The following LMO2 variants were observed in gnomAD, a reference collection of about 807,000 sequenced individuals.
LMO2 encodes LIM domain only 2.
In LMO2, 20 loss-of-function variants were observed where a neutral mutation model predicts 23.2. That is an observed-to-expected ratio of 0.86 (90% CI 0.61 to 1.25). The LOEUF is 1.25. LMO2 is among the 50% of genes most tolerant of loss of function. The probability of loss-of-function intolerance (pLI) is 0.00; values close to 1 mark genes in which losing one functional copy is unlikely to be tolerated. For missense variants in LMO2, 270 were observed against 315.3 expected, an observed-to-expected ratio of 0.86 and a Z score of 1.09; for synonymous variants, 123 against 130.2, an observed-to-expected ratio of 0.94 and a Z score of 0.38.
intron 4 of LMO2, 66 bp downstream of exon 4, chr11:33,869,280 C>T: frequency 9.0e-7 from 1 of 1,110,066 alleles, no homozygotes; most frequent in Non-Finnish European, 1.1e-6. Flanking sequence ...GCCCGGGTCC[C>T]CCCGACGCTC....
rs569023791 is a variant in LMO2 at position 33,866,607 on chromosome 11, C to T, written c.249-1790G>A. 6.0e-4 allele frequency among the ~76,000 whole-genome samples: 91 copies of T among 152,326 alleles called. 1 individual carries two copies. Among genetic ancestry groups the T allele is most frequent in the African/African-American group, 2.1e-3 (87 of 41,568 alleles). On this transcript the variant is annotated intron_variant, in intron 4 of 5. Coordinates refer to ENST00000257818, the MANE Select transcript of LMO2 (RefSeq NM_005574.4). ...GCACTGCACTCTAGACTAGACAACA[C>T]AGTGAGACCCTAGCTCAAAAAAATT...
chr11:33,861,870 A>C (rs1480723543), intron 5 of LMO2, among the ~76,000 whole-genome samples: 2 of 152,204 alleles, frequency 1.3e-5, no homozygotes, highest in Non-Finnish European at 2.9e-5. Context: ...TGACCTGAGC[A>C]AATGGAGTCC....
At chr11:33,870,986 T>A (rs1857005207) in intron 2 of LMO2, 1 of 822,498 alleles carries the variant, frequency 1.2e-6, no homozygotes, top group Admixed American at 6.2e-5. Context: ...GTTCAGAAGC[T>A]GAAAGGCCTA....
Position 33,869,750 on chromosome 11 carries a change from T to A in LMO2, c.-34A>T. On this transcript the variant is annotated 5_prime_UTR_variant, in exon 3 of 6. Coordinates refer to ENST00000257818, the MANE Select transcript of LMO2 (RefSeq NM_005574.4). ...CGCCGCCGCCACCGCCCGGTCCCTCTCGCGCGCTGTCGCCGGCTCCGCGCC... is the reference window on the plus strand; with the variant it reads ...CGCCGCCGCCACCGCCCGGTCCCTCACGCGCGCTGTCGCCGGCTCCGCGCC... The A allele has an allele frequency of 8.1e-7, 1 of 1,236,124 alleles. No individual in the cohort carries two copies. The allele number at this position is 1,236,124 out of a possible 1,614,324, so 76.6% of individuals were successfully genotyped here. A position where few individuals can be genotyped will look rare whatever the true frequency, so the allele number is the denominator to read the frequency against.
At chr11:33,870,292 C>T (rs1446779035) in intron 2 of LMO2, 1 of 921,930 alleles carries the variant, frequency 1.1e-6, no homozygotes, top group Non-Finnish European at 1.3e-6. Flanking sequence ...GAAAGTAACC[C>T]ACGAACAGCT....
intron 4 of LMO2, among the ~76,000 whole-genome samples, chr11:33,868,945 T>C (rs746469162): frequency 3.3e-5 from 5 of 152,086 alleles, no homozygotes; most frequent in Admixed American, 6.5e-5. Flanking sequence ...CAAGACCAAA[T>C]GGACAAAGAG....
At position 33,869,388 on chromosome 11, in the gene LMO2, G is replaced by A. The variant is rs528808025; in HGVS notation, c.206C>T (p.Pro69Leu). 6.3e-5 allele frequency: 76 copies of A among 1,213,002 alleles called. No homozygotes were observed. In the African/African-American group the frequency reaches 9.0e-4, roughly 14 times the overall value. The allele number at this position is 1,213,002 out of a possible 1,614,324, so 75.1% of individuals were successfully genotyped here. ...CTTCCTTTCGATGGCCGAGGACATT[G>A]GGGAGGGAGGCGGGGTGCCGGGCGG... ...PPPPGTPPPS[P>L]MSSAIERKSL... Residue 69 changes from proline to leucine, a missense_variant, in exon 4 of 6, where the codon CCA becomes CTA. Pro to Leu is a moderately conservative substitution (Grantham distance 98, BLOSUM62 -3). Coordinates refer to ENST00000257818, the MANE Select transcript of LMO2 (RefSeq NM_005574.4).
intron 1 of LMO2, among the ~76,000 whole-genome samples, chr11:33,889,013 C>T (rs1211127255): frequency 1.3e-5 from 2 of 152,170 alleles, no homozygotes; most frequent in Non-Finnish European, 2.9e-5. Flanking sequence ...GTCCTATTTC[C>T]GTTAGGGTAG....
intron 5 of LMO2, among the ~76,000 whole-genome samples, chr11:33,862,430 A>C (rs1022345919): frequency 1.3e-5 from 2 of 152,228 alleles, no homozygotes; most frequent in African/African-American, 2.4e-5. Context: ...AAGGGATCCA[A>C]GGAGATCTGG....
chr11:33,869,415 G>A lies in LMO2; in HGVS notation c.179C>T (p.Pro60Leu). The A allele has an allele frequency of 1.7e-6, 2 of 1,199,996 alleles. No individual in the cohort carries two copies. The highest frequency in any genetic ancestry group is 2.1e-6 in the Non-Finnish European group (2 of 961,802). The allele number at this position is 1,199,996 out of a possible 1,614,324, so 74.3% of individuals were successfully genotyped here. A position where few individuals can be genotyped will look rare whatever the true frequency, so the allele number is the denominator to read the frequency against. The change falls in exon 4 of 6, where the codon CCG becomes CTG. Residue 60 changes from proline to leucine, a missense_variant. Around this residue, in one of 2 missense-constraint regions of LMO2, gnomAD observed 170 missense variants for 162.0 expected, o/e 1.05. Transcript: ENST00000257818. Reference sequence around the variant, plus strand: ...GGAGGGAGGCGGGGTGCCGGGCGGCGGGGGCGCTCCCTTTGTGGCGCGGGG... The same window carrying A: ...GGAGGGAGGCGGGGTGCCGGGCGGCAGGGGCGCTCCCTTTGTGGCGCGGGG... ...GQPRATKGAP[P>L]PPGTPPPSPM...
At chr11:33,879,505 G>A (rs901485077) in intron 2 of LMO2, among the ~76,000 whole-genome samples, 3 of 151,500 alleles carry the variant, frequency 2.0e-5, no homozygotes, top group African/African-American at 7.3e-5. Context: ...GTGTGTGCCT[G>A]TAATCGCAGT....
At chr11:33,863,184 G>T (rs1856647204) in intron 5 of LMO2, among the ~76,000 whole-genome samples, 1 of 151,926 alleles carries the variant, frequency 6.6e-6, no homozygotes, top group Admixed American at 6.6e-5. Flanking sequence ...AACTGGGAGT[G>T]AGCAAAACCA....
In LMO2 at chr11:33,880,269, T is replaced by A. The variant is rs538254652; in HGVS notation, c.-272+1555A>T. ...ATACACATGATATATATATCATACA[T>A]ACACATGATATATATCATATATATC... On this transcript the variant is annotated intron_variant, in intron 2 of 5. Coordinates refer to ENST00000257818, the MANE Select transcript of LMO2 (RefSeq NM_005574.4). This position sits in a 1 kb window ranked among gnomAD's most constrained non-coding sequence, Gnocchi z 4.3. Among the ~76,000 whole-genome samples the A allele has an allele frequency of 1.4e-4, 21 of 147,784 alleles. No individual in the cohort carries two copies. Among genetic ancestry groups the A allele is most frequent in the Admixed American group, 1.4e-3 (21 of 14,842 alleles).
intron 2 of LMO2, among the ~76,000 whole-genome samples, chr11:33,872,034 C>A (rs913143522): frequency 6.6e-6 from 1 of 151,818 alleles, no homozygotes; most frequent in Admixed American, 6.6e-5. Flanking sequence ...GAGGCCGAGG[C>A]GATCCCAGCA....
At position 33,864,687 on chromosome 11, in the gene LMO2, C is replaced by T. The variant is rs369459140; in HGVS notation, c.379G>A (p.Asp127Asn). 1.9e-6 allele frequency: 3 copies of T among 1,614,062 alleles called. No homozygotes were observed. Among genetic ancestry groups the T allele is most frequent in the Non-Finnish European group, 2.5e-6 (3 of 1,180,040 alleles). The change falls in exon 5 of 6, where the codon GAC becomes AAC. Residue 127 changes from aspartate (D) to asparagine (N), a missense_variant. Physicochemically the swap from Asp to Asn is conservative, Grantham distance 23. Around this residue, in one of 2 missense-constraint regions of LMO2, gnomAD observed 100 missense variants for 153.3 expected, o/e 0.65. Transcript: ENST00000257818. This position sits in a 1 kb window ranked among gnomAD's most constrained non-coding sequence, Gnocchi z 4.8. ...TCACCCAGCCGGCAGCCACAGAGGTCGCAGCTCAGGCAGTCCTCGTGCCAG... is the reference window on the plus strand; with the variant it reads ...TCACCCAGCCGGCAGCCACAGAGGTTGCAGCTCAGGCAGTCCTCGTGCCAG... ...QYWHEDCLSCDLCGCRLGEVG... is the reference protein window; with the variant it reads ...QYWHEDCLSCNLCGCRLGEVG...
rs1164812496 is a variant in LMO2, at chr11:33,880,566, A to G, written c.-272+1258T>C. On this transcript the variant is annotated intron_variant, in intron 2 of 5. Coordinates refer to ENST00000257818, the MANE Select transcript of LMO2 (RefSeq NM_005574.4). The surrounding 1 kb of genome is among the most constrained non-coding windows in gnomAD (Gnocchi z 4.3). ...CAAAACATTTCAGTTGGAAAACATT[A>G]AAAAGTTCTAGAGCTATATAGTGGT... 1 of 152,222 alleles carries G rather than the reference A, an allele frequency of 6.6e-6. No homozygotes were observed. Among genetic ancestry groups the G allele is most frequent in the Admixed American group, 6.5e-5 (1 of 15,286 alleles). The allele number at this position is 152,222 out of a possible 1,614,324, so 9.4% of individuals were successfully genotyped here.
intron 1 of LMO2, among the ~76,000 whole-genome samples, chr11:33,891,377 A>G (rs570780473): frequency 7.5e-6 from 1 of 134,024 alleles, no homozygotes; most frequent in Non-Finnish European, 1.6e-5. Flanking sequence ...ACACACACAC[A>G]CACACACACA....
Position 33,869,874 on chromosome 11 carries a change from G to A in LMO2, c.-158C>T, listed in dbSNP as rs1255223263. ...GCTCGCCGCCGAGGGCAGAGAGGGG[G>A]CGGCGGCCTAGGGGCGGGGAGGGGA... On this transcript the variant is annotated 5_prime_UTR_variant, in exon 3 of 6. Transcript: ENST00000257818. 2.7e-5 allele frequency: 28 copies of A among 1,052,428 alleles called. No homozygotes were observed. The highest frequency in any genetic ancestry group is 2.7e-5 in the Non-Finnish European group (24 of 873,548). The allele number at this position is 1,052,428 out of a possible 1,614,324, so 65.2% of individuals were successfully genotyped here. A position where few individuals can be genotyped will look rare whatever the true frequency, so the allele number is the denominator to read the frequency against.
At chr11:33,878,187 T>G (rs73494751) in intron 2 of LMO2, among the ~76,000 whole-genome samples, 3 of 150,864 alleles carry the variant, frequency 2.0e-5, no homozygotes, top group Non-Finnish European at 4.4e-5. Context: ...CACCCTGTAA[T>G]CCTGCTCACT....
Sources: allele counts gnomAD v4.1 joint callset (sites outside exome capture counted in the v4.1 genomes callset), GRCh38; gene constraint gnomAD v4.1.1; regional missense constraint gnomAD v4.1.1; non-coding constraint Gnocchi (gnomAD v3.1); transcripts MANE v1.5; gene names NCBI Gene and HGNC (gene_info 2026-07-23, HGNC 2026-07-21).